The following COA8 variants were observed in gnomAD, a reference collection of about 807,000 sequenced individuals.
COA8 encodes the protein UPF0671 protein C14orf153.
COA8 carries 20 observed loss-of-function variants against 22.0 expected under a neutral mutation model. That is an observed-to-expected ratio of 0.91 (90% CI 0.64 to 1.32). The LOEUF is 1.32. COA8 is among the 40% of genes most tolerant of loss of function. The pLI is 0.00. For synonymous variants in COA8, 105 were observed against 79.9 expected, an observed-to-expected ratio of 1.31 and a Z score of -1.68; for missense variants, 266 against 230.0, an observed-to-expected ratio of 1.16 and a Z score of -1.01.
intron 2 of COA8, among the ~76,000 whole-genome samples, chr14:103,573,084 A>G (rs2076201192): frequency 6.6e-6 from 1 of 152,084 alleles, no homozygotes; most frequent in Non-Finnish European, 1.5e-5. Context: ...CCCAGCAGAG[A>G]ATTCAAAATT....
At chr14:103,588,418 TGGATG>T (rs2076326613) in intron 4 of COA8, 1 of 371,986 alleles carries the variant, frequency 2.7e-6, no homozygotes, top group East Asian at 3.8e-5. Context: ...CATTCCAGCC[TGGATG>T]GCAGACAGAG....
At chr14:103,574,323 T>A in intron 3 of COA8, 153 bp downstream of exon 3, 1 of 984,752 alleles carries the variant, frequency 1.0e-6, no homozygotes, top group Non-Finnish European at 1.6e-6. Context: ...GTCCAAGTTC[T>A]CTTGCACACC....
intron 1 of COA8, among the ~76,000 whole-genome samples, chr14:103,568,854 A>T (rs561792701): frequency 2.6e-5 from 4 of 152,002 alleles, no homozygotes; most frequent in African/African-American, 9.6e-5. Flanking sequence ...CTGGTCTCGA[A>T]CTCCTGACCT....
At chr14:103,584,920 A>G (rs551547987) in intron 3 of COA8, among the ~76,000 whole-genome samples, 1 of 152,104 alleles carries the variant, frequency 6.6e-6, no homozygotes, top group East Asian at 1.9e-4. Context: ...CGGGCGGATC[A>G]TGAAGTCAGG....
At position 103,571,612 on chromosome 14, in the gene COA8, C is replaced by T; in HGVS notation, c.124-11C>T. ...TTTTGTCATATGTTAATCCAATTTA[C>T]TTTGTTAAAGGTCTCAAGATTCTGC... On this transcript the variant is annotated splice_polypyrimidine_tract_variant and intron_variant, in intron 1 of 4. Coordinates refer to ENST00000409074, the MANE Select transcript of COA8 (RefSeq NM_001370595.2). 6.2e-7 allele frequency: 1 copy of T among 1,606,410 alleles called. No homozygotes were observed. The highest frequency in any genetic ancestry group is 8.5e-7 in the Non-Finnish European group (1 of 1,175,042).
chr14:103,580,038 TC>T (rs1042653562), intron 3 of COA8, among the ~76,000 whole-genome samples: 1 of 149,674 alleles, frequency 6.7e-6, no homozygotes, highest in African/African-American at 2.5e-5. Context: ...TCATAAGTAA[TC>T]CAGGGATGAC....
intron 3 of COA8, 131 bp downstream of exon 3, chr14:103,574,301 CG>C: frequency 8.3e-7 from 1 of 1,205,172 alleles, no homozygotes; most frequent in Non-Finnish European, 1.2e-6. Context: ...GGGCAGTGCT[CG>C]GCACACCCCT....
rs2151189741 is a variant in COA8 at position 103,590,076 on chromosome 14, C to T, written c.477-105C>T. Reference sequence around the variant, plus strand: ...CAGGGAAAGGGCAAAGCAGTTGAGGCCTGGTCAGTTGAACTCATCCTCAAC... The same window carrying T: ...CAGGGAAAGGGCAAAGCAGTTGAGGTCTGGTCAGTTGAACTCATCCTCAAC... On this transcript the variant is annotated intron_variant, in intron 4 of 4. Transcript: ENST00000409074. The T allele has an allele frequency of 5.9e-5, 51 of 862,396 alleles. No individual in the cohort carries two copies. In the South Asian group the frequency reaches 7.1e-4, roughly 12 times the overall value. The allele number at this position is 862,396 out of a possible 1,614,324, so 53.4% of individuals were successfully genotyped here.
At chr14:103,587,867 G>T (rs111262880) in intron 4 of COA8, 4,544 of 154,168 alleles carry the variant, frequency 0.029, 235 homozygotes, top group African/African-American at 0.11. Flanking sequence ...TTTTTAGGTC[G>T]GGTGTGGTGG....
rs74085211 is a variant in COA8, at chr14:103,590,125, C to T, written c.477-56C>T. 1.8e-3 allele frequency: 2,651 copies of T among 1,476,402 alleles called. 39 individuals are homozygous for T. The African/African-American group carries it at 0.032, about 18-fold the overall frequency. 91.5% of individuals were successfully genotyped at this position (1,476,402 alleles called of 1,614,324 possible). On this transcript the variant is annotated intron_variant, in intron 4 of 4. Coordinates refer to ENST00000409074, the MANE Select transcript of COA8 (RefSeq NM_001370595.2). Reference sequence around the variant, plus strand: ...ACTGGGAGCCACTTCTGGGCCAGGGCACCAAGCCTCAGTCCCTGCCACCGT... The same window carrying T: ...ACTGGGAGCCACTTCTGGGCCAGGGTACCAAGCCTCAGTCCCTGCCACCGT...
chr14:103,572,391 A>G (rs2076194564), intron 2 of COA8, among the ~76,000 whole-genome samples: 1 of 152,172 alleles, frequency 6.6e-6, no homozygotes, highest in South Asian at 2.1e-4. Flanking sequence ...CCAGAACTAG[A>G]AGTACATGTT....
At chr14:103,574,624 A>T (rs549562955) in intron 3 of COA8, 1 of 352,728 alleles carries the variant, frequency 2.8e-6, no homozygotes, top group African/African-American at 2.2e-5. Context: ...ATCCAAAATC[A>T]TCGACCCCAA....
chr14:103,578,149 G>T (rs1004894024), intron 3 of COA8, among the ~76,000 whole-genome samples: 2 of 151,570 alleles, frequency 1.3e-5, no homozygotes, highest in East Asian at 3.9e-4. Context: ...AGCCGAGATT[G>T]TGTCACTGCA....
rs1315295516 is a variant in COA8 at position 103,563,080 on chromosome 14, G to T, written c.79G>T (p.Ala27Ser). ...CTTCGCCTGCCGCGGCTGTCAACTC[G>T]CTCCGGAGCGCGGCGCCGAGCGCAG... ...RAFACRGCQL[A>S]PERGAERRDT... is the part of the protein sequence containing the mutation. The change falls in exon 1 of 5, where the codon GCT (alanine) becomes TCT (serine). Residue 27 changes from alanine to serine, a missense_variant. Transcript: ENST00000409074. 3 of 1,540,304 alleles carry T rather than the reference G, an allele frequency of 1.9e-6. No individual in the cohort carries two copies. The highest frequency in any genetic ancestry group is 2.4e-5 in the South Asian group (2 of 84,414).
chr14:103,576,447 A>G (rs1314677917), intron 3 of COA8, among the ~76,000 whole-genome samples: 1 of 152,240 alleles, frequency 6.6e-6, no homozygotes, highest in Non-Finnish European at 1.5e-5. Flanking sequence ...GGGTGAAGAC[A>G]GAGATATTCA....
At position 103,585,113 on chromosome 14, in the gene COA8, G is replaced by C. The variant is rs187075408; in HGVS notation, c.386-2161G>C. ...AGATTGCGCCACTGCACTCCAGCCT[G>C]GGTGACAGAGCAAGACTCTGTCTCT... On this transcript the variant is annotated intron_variant, in intron 3 of 4. Coordinates refer to ENST00000409074, the MANE Select transcript of COA8 (RefSeq NM_001370595.2). Among the ~76,000 whole-genome samples the C allele has an allele frequency of 3.3e-5, 5 of 151,940 alleles. 1 individual carries two copies. The highest frequency in any genetic ancestry group is 4.4e-5 in the Non-Finnish European group (3 of 68,010).
At chr14:103,571,161 C>T (rs898798831) in intron 1 of COA8, among the ~76,000 whole-genome samples, 13 of 152,076 alleles carry the variant, frequency 8.5e-5, no homozygotes, top group Non-Finnish European at 4.4e-5. Context: ...CTTAAGAAAG[C>T]TTAGCTCCAT....
chr14:103,582,123 TG>T (rs2076272107), intron 3 of COA8, among the ~76,000 whole-genome samples: 1 of 151,598 alleles, frequency 6.6e-6, no homozygotes, highest in Non-Finnish European at 1.5e-5. Context: ...TGGGAAGTGC[TG>T]GAGATGCAGG....
At position 103,587,375 on chromosome 14, in the gene COA8, A is replaced by G. The variant is rs1391622385; in HGVS notation, c.476+11A>G. On this transcript the variant is annotated intron_variant, in intron 4 of 4. Transcript: ENST00000409074. ...CATGTATTATAACAGGTAGGTGTTTACTCTTTTCCTGAAAATTTGAATAGC... is the reference window on the plus strand; with the variant it reads ...CATGTATTATAACAGGTAGGTGTTTGCTCTTTTCCTGAAAATTTGAATAGC... 1 of 1,588,538 alleles carries G rather than the reference A, an allele frequency of 6.3e-7. No homozygotes were observed. Among genetic ancestry groups the G allele is most frequent in the African/African-American group, 1.3e-5 (1 of 74,288 alleles).
Sources: gnomAD v4.1 joint callset for allele counts (sites outside exome capture counted in the v4.1 genomes callset) on GRCh38, gnomAD v4.1.1 for gene constraint, MANE v1.5 for transcripts, NCBI Gene and HGNC (gene_info 2026-07-23, HGNC 2026-07-21) for gene names.